The following AQR variants were observed in gnomAD, a reference collection of about 807,000 sequenced individuals.
AQR encodes the protein RNA helicase aquarius.
A neutral mutation model predicts 180.5 loss-of-function variants in AQR; 61 were observed. That is an observed-to-expected ratio of 0.34 (90% CI 0.28 to 0.42). The LOEUF (loss-of-function observed/expected upper bound fraction) is 0.42, where lower values mean the gene tolerates loss of function less well. Ranked by LOEUF, AQR falls within the 10% of genes least tolerant of loss-of-function variation. AQR has a pLI of 1.00. For synonymous variants in AQR, 551 were observed against 588.8 expected (o/e 0.94, Z 0.93); for missense variants, 1,281 against 1,798.3 (o/e 0.71, Z 5.20).
At chr15:34,859,405 G>A (rs1892637884) in intron 34 of AQR, among the ~76,000 whole-genome samples, 1 of 152,174 alleles carries the variant, frequency 6.6e-6, no homozygotes, top group South Asian at 2.1e-4. Context: ...TATCAAGTGA[G>A]GGTGAGGATG....
chr15:34,890,260 A>G lies in AQR; in HGVS notation c.2636T>C (p.Leu879Pro). ...LDIDERHLLR[L>P]GHGEEELETE... Reference sequence around the variant, plus strand: ...CTCCAGCTCTTCTTCTCCATGACCAAGACGCAGTAGGTGGCGCTCATCAAT... The same window carrying G: ...CTCCAGCTCTTCTTCTCCATGACCAGGACGCAGTAGGTGGCGCTCATCAAT... Residue 879 changes from leucine (L) to proline (P), a missense_variant, in exon 24 of 35, where the codon CTT (leucine) becomes CCT (proline). Leu to Pro is a moderately conservative substitution (Grantham distance 98). Transcript: ENST00000156471. 6.2e-7 allele frequency: 1 copy of G among 1,613,622 alleles called. No individual in the cohort carries two copies. The highest frequency in any genetic ancestry group is 8.5e-7 in the Non-Finnish European group (1 of 1,179,806).
intron 3 of AQR, among the ~76,000 whole-genome samples, chr15:34,953,354 C>T (rs542876385): frequency 1.3e-5 from 2 of 152,150 alleles, no homozygotes; most frequent in African/African-American, 2.4e-5. Flanking sequence ...AACATACTTA[C>T]GCTGTCCCGA....
chr15:34,891,199 A>T (rs897466843), intron 23 of AQR, among the ~76,000 whole-genome samples: 5 of 152,092 alleles, frequency 3.3e-5, no homozygotes, highest in Non-Finnish European at 7.4e-5. Flanking sequence ...ATCCCCCACT[A>T]TCCAAACTCT....
chr15:34,857,924 T>C (rs947011821), intron 34 of AQR, among the ~76,000 whole-genome samples: 6 of 152,144 alleles, frequency 3.9e-5, no homozygotes, highest in African/African-American at 1.2e-4. Context: ...GGCAGTCTAG[T>C]GACTTTCTCA....
chr15:34,967,220 C>T (rs558212693), intron 1 of AQR, among the ~76,000 whole-genome samples: 88 of 152,236 alleles, frequency 5.8e-4, no homozygotes, highest in African/African-American at 2.0e-3. Flanking sequence ...ACATTCACAC[C>T]TTAAGGTGTG....
At chr15:34,934,676 G>T in intron 9 of AQR, 41 bp from the exon 10 acceptor site, 2 of 1,394,614 alleles carry the variant, frequency 1.4e-6, no homozygotes, top group South Asian at 1.5e-5. Context: ...TTCCTTACTA[G>T]GCCATTTTGC....
chr15:34,878,659 G>GT (rs2140465186), intron 27 of AQR, among the ~76,000 whole-genome samples: 1 of 152,076 alleles, frequency 6.6e-6, no homozygotes, highest in African/African-American at 2.4e-5. Flanking sequence ...CTCAAAATGG[G>GT]TTTAAGATGA....
At position 34,910,444 on chromosome 15, in the gene AQR, C is replaced by T. The variant is rs1191456231; in HGVS notation, c.1485-131G>A. 3.1e-6 allele frequency: 3 copies of T among 977,104 alleles called. No homozygotes were observed. The East Asian group carries it at 7.9e-5, about 26-fold the overall frequency. The allele number at this position is 977,104 out of a possible 1,614,324, so 60.5% of individuals were successfully genotyped here. On this transcript the variant is annotated intron_variant, in intron 16 of 34. Transcript: ENST00000156471. ...GTCCTAATATTAGTAACTCTTATTT[C>T]TTAACTTAAAAAAAAGAAAACCTTT...
chr15:34,904,364 CTCAT>C lies in AQR; in HGVS notation c.1969_1972del (p.Met657GlyfsTer19). On this transcript the variant is annotated frameshift_variant, in exon 19 of 35. Transcript: ENST00000156471. LOFTEE classifies it high-confidence loss of function. ...AAAGTTATTTTCCTTTGGTTTTCTC[CTCAT>C]TATTATATTAAAAGTTTCATACACA... is the stretch of plus-strand genomic sequence containing the variant. The C allele has an allele frequency of 6.2e-7, 1 of 1,600,064 alleles. No individual in the cohort carries two copies. Among genetic ancestry groups the C allele is most frequent in the Admixed American group, 1.7e-5 (1 of 58,282 alleles).
At chr15:34,892,390 G>C (rs896595361) in intron 23 of AQR, among the ~76,000 whole-genome samples, 2 of 152,124 alleles carry the variant, frequency 1.3e-5, no homozygotes, top group African/African-American at 4.8e-5. Context: ...CCCAGTAAGG[G>C]TTAATGCTTA....
intron 33 of AQR, among the ~76,000 whole-genome samples, chr15:34,860,648 C>G (rs953829920): frequency 2.0e-5 from 3 of 152,304 alleles, no homozygotes; most frequent in African/African-American, 4.8e-5. Flanking sequence ...GCTCCAAAGA[C>G]AGTTCTTAAG....
At chr15:34,951,345 G>A (rs1452974432) in intron 4 of AQR, among the ~76,000 whole-genome samples, 1 of 152,148 alleles carries the variant, frequency 6.6e-6, no homozygotes, top group Non-Finnish European at 1.5e-5. Flanking sequence ...AAGAGTTCCT[G>A]AAAGGTAACA....
At chr15:34,947,663 C>T (rs1450381786) in intron 5 of AQR, among the ~76,000 whole-genome samples, 1 of 151,844 alleles carries the variant, frequency 6.6e-6, no homozygotes, top group East Asian at 1.9e-4. Context: ...TTCTTAGAGA[C>T]AGGCCTCGCT....
At chr15:34,951,667 C>CA (rs35929298) in intron 4 of AQR, among the ~76,000 whole-genome samples, 4,299 of 74,636 alleles carry the variant, frequency 0.058, 160 homozygotes, top group African/African-American at 0.14. Flanking sequence ...GAGACTGTCT[C>CA]AAAAAAAAAA....
chr15:34,905,243 T>C (rs16960038), intron 18 of AQR, among the ~76,000 whole-genome samples: 18,051 of 152,000 alleles, frequency 0.12, 1,402 homozygotes, highest in East Asian at 0.3. Context: ...AGTTTAGCAA[T>C]GATATAATCT....
chr15:34,893,609 A>ACG (rs773330522), intron 23 of AQR, 54 bp downstream of exon 23: 108,427 of 383,240 alleles, frequency 0.28, 1,326 homozygotes, highest in Middle Eastern at 0.37. Context: ...GCATGCGTGC[A>ACG]CACACACACA....
At chr15:34,858,205 A>C (rs957480489) in intron 34 of AQR, among the ~76,000 whole-genome samples, 1 of 151,696 alleles carries the variant, frequency 6.6e-6, no homozygotes, top group African/African-American at 2.4e-5. Context: ...GCTGGTCTCG[A>C]ACTCCTGACC....
intron 1 of AQR, among the ~76,000 whole-genome samples, chr15:34,965,806 A>G (rs1205282227): frequency 6.6e-6 from 1 of 152,206 alleles, no homozygotes; most frequent in Non-Finnish European, 1.5e-5. Context: ...TCATAAATTC[A>G]GTCATCTTCT....
At position 34,854,521 on chromosome 15, in the gene AQR, A is replaced by G. The variant is rs1892560879; in HGVS notation, c.*2271T>C. ...GTTAAGTCTCTCTGATTGTTTCCTCATTATTTAAAATAAGTACAGCTCTTA... is the reference window on the plus strand; with the variant it reads ...GTTAAGTCTCTCTGATTGTTTCCTCGTTATTTAAAATAAGTACAGCTCTTA... On this transcript the variant is annotated 3_prime_UTR_variant, in exon 35 of 35. Coordinates refer to ENST00000156471, the MANE Select transcript of AQR (RefSeq NM_014691.3). 1 of 152,172 alleles carries G rather than the reference A, an allele frequency of 6.6e-6. No homozygotes were observed. The highest frequency in any genetic ancestry group is 1.5e-5 in the Non-Finnish European group (1 of 68,032). The allele number at this position is 152,172 out of a possible 1,614,324, so 9.4% of individuals were successfully genotyped here. A position where few individuals can be genotyped will look rare whatever the true frequency, so the allele number is the denominator to read the frequency against.
Sources: gnomAD v4.1 joint callset for allele counts (sites outside exome capture counted in the v4.1 genomes callset) on GRCh38, gnomAD v4.1.1 for gene constraint, MANE v1.5 for transcripts, NCBI Gene and HGNC (gene_info 2026-07-23, HGNC 2026-07-21) for gene names.